KTN1: variants seen among roughly 807,000 people sequenced by gnomAD.
KTN1 encodes kinectin 1, also known as kinectin.
Under a neutral mutation model 222.5 loss-of-function variants are expected in KTN1, and 130 were observed. The ratio of observed to expected loss-of-function variants is 0.58; its 90% confidence interval spans 0.51 to 0.68. KTN1 has a LOEUF of 0.68. Among genes scored for constraint, KTN1 ranks in the 30% least tolerant of loss-of-function variants. The pLI, the probability that KTN1 is intolerant of heterozygous loss-of-function variation, is 0.00. For missense variants in KTN1, 1,508 were observed against 1,500.4 expected, an observed-to-expected ratio of 1.01 and a Z score of -0.08; for synonymous variants, 512 against 496.3, an observed-to-expected ratio of 1.03 and a Z score of -0.42.
chr14:55,659,762 C>T lies in KTN1; in HGVS notation c.2999+59C>T, dbSNP rs568414956. On this transcript the variant is annotated intron_variant, in intron 31 of 43. Transcript: ENST00000395314. Reference sequence around the variant, plus strand: ...TCGTAACTATTTTTATGTGGTAAACCATTCTCAAATAAGCAATTTAGTGTA... The same window carrying T: ...TCGTAACTATTTTTATGTGGTAAACTATTCTCAAATAAGCAATTTAGTGTA... 30 of 989,916 alleles carry T rather than the reference C, an allele frequency of 3.0e-5. No individual in the cohort carries two copies. The Admixed American group carries it at 5.3e-4, about 18-fold the overall frequency. 61.3% of individuals were successfully genotyped at this position (989,916 alleles called of 1,614,324 possible).
At chr14:55,639,129 T>C in intron 12 of KTN1, 56 bp from the exon 13 acceptor site, 1 of 1,122,670 alleles carries the variant, frequency 8.9e-7, no homozygotes, top group Non-Finnish European at 1.4e-6. Flanking sequence ...GATTATTGTA[T>C]AGCTATAAAG....
intron 5 of KTN1, among the ~76,000 whole-genome samples, chr14:55,622,661 C>A (rs906166605): frequency 6.6e-6 from 1 of 152,180 alleles, no homozygotes; most frequent in Admixed American, 6.5e-5. Context: ...TTAATTTTTT[C>A]TTATACTAGT....
chr14:55,617,950 A>G lies in KTN1; in HGVS notation c.662-14A>G, dbSNP rs772822492. 2.3e-5 allele frequency: 35 copies of G among 1,540,194 alleles called. No individual in the cohort carries two copies. The highest frequency in any genetic ancestry group is 2.9e-5 in the Non-Finnish European group (33 of 1,141,536). On this transcript the variant is annotated splice_polypyrimidine_tract_variant and intron_variant, in intron 3 of 43. Transcript: ENST00000395314. ...AAAAATTCTAATTATGATTTTGTTG[A>G]ACTTAAATTGCAGTCTTCGTAGATG...
In KTN1 at chr14:55,639,215, C is replaced by T. The variant is rs2041490723; in HGVS notation, c.1816C>T (p.His606Tyr). ...TSASVLAEEL[H>Y]KVIAEKDKQI... ...CGCTTCAGTTCTAGCAGAAGAATTA[C>T]ATAAAGTGTAAGCCTACCTTTTCAC... is the stretch of plus-strand genomic sequence containing the variant. Residue 606 changes from histidine (H) to tyrosine (Y), a missense_variant, in exon 13 of 44, where the codon CAT becomes TAT. Coordinates refer to ENST00000395314, the MANE Select transcript of KTN1 (RefSeq NM_001079521.2). The T allele has an allele frequency of 1.2e-6, 2 of 1,603,664 alleles. No individual in the cohort carries two copies. The highest frequency in any genetic ancestry group is 2.7e-5 in the African/African-American group (2 of 74,728).
intron 43 of KTN1, chr14:55,680,528 G>A: frequency 2.1e-6 from 1 of 482,058 alleles, no homozygotes; most frequent in East Asian, 5.9e-5. Flanking sequence ...TGATATCCTG[G>A]AGACCCTGAG....
chr14:55,675,717 T>C (rs1204105455), intron 40 of KTN1, 118 bp from the exon 41 acceptor site: 2 of 621,746 alleles, frequency 3.2e-6, no homozygotes, highest in Non-Finnish European at 5.7e-6. Context: ...GCATATTGGC[T>C]AATCCACTGT....
intron 3 of KTN1, among the ~76,000 whole-genome samples, chr14:55,617,756 T>C (rs978388121): frequency 6.6e-6 from 1 of 152,172 alleles, no homozygotes. Flanking sequence ...ATTTAAATGA[T>C]TTACTATAAA....
At chr14:55,613,042 A>C (rs1594839662) in intron 2 of KTN1, among the ~76,000 whole-genome samples, 1 of 152,256 alleles carries the variant, frequency 6.6e-6, no homozygotes, top group Non-Finnish European at 1.5e-5. Context: ...CTAAAATCAG[A>C]TATCATTTCT....
At chr14:55,616,702 A>G in intron 3 of KTN1, 48 bp downstream of exon 3, 1 of 1,482,194 alleles carries the variant, frequency 6.7e-7, no homozygotes, top group South Asian at 1.3e-5. Flanking sequence ...CTAGAGAAGT[A>G]CACCAGCACA....
At chr14:55,629,523 T>G (rs1229723603) in intron 6 of KTN1, among the ~76,000 whole-genome samples, 1 of 152,110 alleles carries the variant, frequency 6.6e-6, no homozygotes, top group African/African-American at 2.4e-5. Context: ...TATAGACATC[T>G]TATCCCTATT....
rs1595213446 is a variant in KTN1, at chr14:55,664,603, T to C, written c.3177+562T>C. Among the ~76,000 whole-genome samples, 4 of 152,220 alleles carry C rather than the reference T, an allele frequency of 2.6e-5. No individual in the cohort carries two copies. In the East Asian group the frequency reaches 7.7e-4, roughly 29 times the overall value. ...ACACATGGCATGTTTAGATGAAATATTACTATCAAGGGATAATTCTCTTGA... is the reference window on the plus strand; with the variant it reads ...ACACATGGCATGTTTAGATGAAATACTACTATCAAGGGATAATTCTCTTGA... On this transcript the variant is annotated intron_variant, in intron 33 of 43. Coordinates refer to ENST00000395314, the MANE Select transcript of KTN1 (RefSeq NM_001079521.2).
At chr14:55,652,626 C>T (rs975288594) in intron 25 of KTN1, among the ~76,000 whole-genome samples, 3 of 152,126 alleles carry the variant, frequency 2.0e-5, no homozygotes, top group East Asian at 1.9e-4. Flanking sequence ...GTCTTGATCT[C>T]CTGACCTTGT....
rs761624735 is a variant in KTN1, at chr14:55,641,215, G to C, written c.2103+7G>C. 1 of 1,541,082 alleles carries C rather than the reference G, an allele frequency of 6.5e-7. No individual in the cohort carries two copies. Among genetic ancestry groups the C allele is most frequent in the South Asian group, 1.2e-5 (1 of 83,508 alleles). On this transcript the variant is annotated splice_region_variant and intron_variant, in intron 17 of 43. Coordinates refer to ENST00000395314, the MANE Select transcript of KTN1 (RefSeq NM_001079521.2). ...CAAAATGGAAGAATTTAAGGTGTGT[G>C]ATTAAGCTTGTACACTCAGGTTTCT... is the stretch of plus-strand genomic sequence containing the variant.
intron 25 of KTN1, 74 bp downstream of exon 25, chr14:55,652,001 AG>A: frequency 5.3e-6 from 5 of 942,518 alleles, no homozygotes; most frequent in Non-Finnish European, 8.1e-6. Context: ...TGAAAATTAT[AG>A]CTTCTTGATT....
intron 1 of KTN1, among the ~76,000 whole-genome samples, chr14:55,605,403 T>C (rs1305531380): frequency 6.6e-6 from 1 of 152,200 alleles, no homozygotes; most frequent in African/African-American, 2.4e-5. Context: ...TGTTCTGTTA[T>C]TTTGCGTTGT....
In KTN1 at chr14:55,634,594, C is replaced by G; in HGVS notation, c.1397C>G (p.Thr466Arg). ...TTGGTGAATGAGCTGACTGAGAAAA[C>G]AGGAAAGCTACAGCAAGAGGAAGTC... is the stretch of plus-strand genomic sequence containing the variant. ...ARLVNELTEK[T>R]GKLQQEEVQK... Residue 466 changes from threonine to arginine, a missense_variant, in exon 9 of 44, where the codon ACA becomes AGA. Coordinates refer to ENST00000395314, the MANE Select transcript of KTN1 (RefSeq NM_001079521.2). 1 of 1,613,750 alleles carries G rather than the reference C, an allele frequency of 6.2e-7. No individual in the cohort carries two copies.
chr14:55,614,824 A>C (rs2038115334), intron 2 of KTN1, among the ~76,000 whole-genome samples: 1 of 152,184 alleles, frequency 6.6e-6, no homozygotes, highest in African/African-American at 2.4e-5. Flanking sequence ...TGTGCTTGGC[A>C]GATGGTTGGT....
chr14:55,658,469 T>C, intron 29 of KTN1, 77 bp from the exon 30 acceptor site: 2 of 832,476 alleles, frequency 2.4e-6, no homozygotes, highest in Non-Finnish European at 4.1e-6. Context: ...TTGTATGATC[T>C]GTTTCTAGCT....
At chr14:55,657,382 T>G (rs1207990814) in intron 29 of KTN1, among the ~76,000 whole-genome samples, 1 of 149,908 alleles carries the variant, frequency 6.7e-6, no homozygotes, top group African/African-American at 2.5e-5. Context: ...CCCACACTTT[T>G]TCCACTGAGT....
Sources: allele counts gnomAD v4.1 joint callset (sites outside exome capture counted in the v4.1 genomes callset), GRCh38; gene constraint gnomAD v4.1.1; transcripts MANE v1.5; gene names NCBI Gene and HGNC (gene_info 2026-07-23, HGNC 2026-07-21).